The following EIF4G3 variants were observed in gnomAD, a reference collection of about 807,000 sequenced individuals.
EIF4G3 encodes the protein eIF-4-gamma 3.
Under a neutral mutation model 186.4 loss-of-function variants are expected in EIF4G3, and 34 were observed. That is an observed-to-expected ratio of 0.18 (90% CI 0.14 to 0.24). The LOEUF (loss-of-function observed/expected upper bound fraction) is 0.24. Ranked by LOEUF, EIF4G3 falls within the 10% of genes least tolerant of loss-of-function variation. The probability of loss-of-function intolerance (pLI) is 1.00; values close to 1 mark genes in which losing one functional copy is unlikely to be tolerated. For missense variants in EIF4G3, 1,536 were observed against 1,948.5 expected (o/e 0.79, Z 3.99); for synonymous variants, 673 against 679.5 (o/e 0.99, Z 0.15).
At chr1:21,158,225 G>C (rs111885836) in intron 2 of EIF4G3, among the ~76,000 whole-genome samples, 150 of 145,870 alleles carry the variant, frequency 1.0e-3, no homozygotes, top group African/African-American at 3.8e-3. Context: ...ACCCAGGCTG[G>C]AGTGGAGTGG....
intron 3 of EIF4G3, among the ~76,000 whole-genome samples, chr1:21,073,970 A>G (rs1157331386): frequency 6.6e-6 from 1 of 151,960 alleles, no homozygotes; most frequent in Non-Finnish European, 1.5e-5. Context: ...TTGTTTCTCT[A>G]TTTCTAAACA....
At chr1:20,870,942 G>A (rs2079019702) in intron 20 of EIF4G3, among the ~76,000 whole-genome samples, 2 of 152,150 alleles carry the variant, frequency 1.3e-5, no homozygotes, top group African/African-American at 4.8e-5. Context: ...GACACAGGCA[G>A]CTGCATATAT....
intron 4 of EIF4G3, among the ~76,000 whole-genome samples, chr1:21,007,100 T>G (rs1261087042): frequency 6.6e-6 from 1 of 152,094 alleles, no homozygotes; most frequent in Admixed American, 6.5e-5. Context: ...TGCCAAATTT[T>G]CAAAGAGGTA....
intron 30 of EIF4G3, among the ~76,000 whole-genome samples, chr1:20,836,010 AATTCTTC>A (rs960289717): frequency 6.6e-6 from 1 of 152,140 alleles, no homozygotes; most frequent in African/African-American, 2.4e-5. Flanking sequence ...AAGAAGAACA[AATTCTTC>A]TCAAATTCTT....
chr1:20,893,884 C>T (rs957490820), intron 17 of EIF4G3, among the ~76,000 whole-genome samples: 4 of 148,182 alleles, frequency 2.7e-5, no homozygotes, highest in Non-Finnish European at 5.9e-5. Flanking sequence ...AGGGGCTATA[C>T]ATAATCAGCA....
chr1:20,883,489 C>T (rs560514613), intron 19 of EIF4G3, among the ~76,000 whole-genome samples: 1 of 152,028 alleles, frequency 6.6e-6, no homozygotes, highest in Non-Finnish European at 1.5e-5. Context: ...ATGGTGGACA[C>T]GCCTGTAATA....
At chr1:21,057,449 TGACC>T (rs1362979702) in intron 3 of EIF4G3, among the ~76,000 whole-genome samples, 2 of 152,124 alleles carry the variant, frequency 1.3e-5, no homozygotes, top group African/African-American at 4.8e-5. Context: ...CGGCAAAACT[TGACC>T]GTATTAGTCA....
chr1:20,971,264 A>C (rs1387347250), intron 11 of EIF4G3, among the ~76,000 whole-genome samples: 1 of 152,228 alleles, frequency 6.6e-6, no homozygotes, highest in African/African-American at 2.4e-5. Context: ...TTCACTAATG[A>C]AACTACCTGG....
intron 3 of EIF4G3, among the ~76,000 whole-genome samples, chr1:21,070,346 A>G (rs2095406775): frequency 6.6e-6 from 1 of 152,054 alleles, no homozygotes; most frequent in African/African-American, 2.4e-5. Flanking sequence ...ATCCCACTCC[A>G]CTCCCTATGG....
chr1:20,984,661 C>T (rs966791851), intron 7 of EIF4G3, among the ~76,000 whole-genome samples: 2 of 150,452 alleles, frequency 1.3e-5, no homozygotes, highest in African/African-American at 4.9e-5. Context: ...GTGATCTTGG[C>T]TCACTGCAAC....
chr1:21,133,579 GCTCC>G (rs1201080510), intron 2 of EIF4G3, among the ~76,000 whole-genome samples: 6 of 152,120 alleles, frequency 3.9e-5, no homozygotes, highest in Non-Finnish European at 8.8e-5. Context: ...AGTCCCACTG[GCTCC>G]CTATAGGAGA....
At chr1:20,892,462 G>T (rs1417230811) in intron 18 of EIF4G3, among the ~76,000 whole-genome samples, 5 of 152,200 alleles carry the variant, frequency 3.3e-5, no homozygotes, top group Admixed American at 2.0e-4. Flanking sequence ...GCCACTGGGG[G>T]TGTAATGGCA....
chr1:21,145,647 T>A (rs1236387954), intron 2 of EIF4G3, among the ~76,000 whole-genome samples: 2 of 152,112 alleles, frequency 1.3e-5, no homozygotes, highest in African/African-American at 4.8e-5. Flanking sequence ...AAAGAAAACA[T>A]AAATATTCAA....
chr1:20,898,010 G>A (rs1398828010), intron 16 of EIF4G3, among the ~76,000 whole-genome samples: 1 of 151,968 alleles, frequency 6.6e-6, no homozygotes, highest in African/African-American at 2.4e-5. Flanking sequence ...AGACACATTG[G>A]TGATGGCTAC....
intron 34 of EIF4G3, among the ~76,000 whole-genome samples, chr1:20,816,242 C>T (rs1363832250): frequency 2.5e-3 from 147 of 58,396 alleles, no homozygotes; most frequent in East Asian, 0.013. Context: ...GTCAGCCCCC[C>T]GCCTGGCCAG....
intron 20 of EIF4G3, among the ~76,000 whole-genome samples, chr1:20,871,757 G>A (rs1571990991): frequency 6.6e-6 from 1 of 152,156 alleles, no homozygotes; most frequent in East Asian, 1.9e-4. Flanking sequence ...TTTCACTTTT[G>A]GGCAACACTG....
chr1:21,102,245 G>A (rs1428961881), intron 2 of EIF4G3, among the ~76,000 whole-genome samples: 1 of 152,174 alleles, frequency 6.6e-6, no homozygotes, highest in Non-Finnish European at 1.5e-5. Context: ...GAGGTCAGGA[G>A]TTTGAGACCA....
At chr1:21,010,913 A>G (rs2086853261) in intron 4 of EIF4G3, among the ~76,000 whole-genome samples, 1 of 152,220 alleles carries the variant, frequency 6.6e-6, no homozygotes. Context: ...GCTTTAAGCT[A>G]CTGATTATCA....
At chr1:21,147,124 T>C (rs2097456537) in intron 2 of EIF4G3, among the ~76,000 whole-genome samples, 1 of 151,406 alleles carries the variant, frequency 6.6e-6, no homozygotes, top group Non-Finnish European at 1.5e-5. Context: ...TAGCCAGGCA[T>C]GGTGGCAGAC....
Sources: allele counts gnomAD v4.1 joint callset (sites outside exome capture counted in the v4.1 genomes callset), GRCh38; gene constraint gnomAD v4.1.1; transcripts MANE v1.5; gene names NCBI Gene and HGNC (gene_info 2026-07-23, HGNC 2026-07-21).